Variants in TRIM44 observed in about 807,000 individuals in gnomAD.
TRIM44 encodes the protein tripartite motif containing 44, also known as tripartite motif-containing protein 44.
Under a neutral mutation model 37.4 loss-of-function variants are expected in TRIM44, and 13 were observed. The observed-to-expected ratio is 0.35, with a 90% CI of 0.23 to 0.55. The LOEUF is 0.55. TRIM44 is among the 20% of genes least tolerant of loss of function. The pLI is 0.89. For synonymous variants in TRIM44, 175 were observed against 157.2 expected (o/e 1.11, Z -0.85); for missense variants, 426 against 437.2 (o/e 0.97, Z 0.23).
rs974434762 is a variant in TRIM44 at position 35,770,678 on chromosome 11, C to T, written c.1007+35233C>T. Among the ~76,000 whole-genome samples the T allele has an allele frequency of 3.9e-5, 6 of 152,102 alleles. No homozygotes were observed. In the East Asian group the frequency reaches 5.8e-4, roughly 15 times the overall value. On this transcript the variant is annotated intron_variant, in intron 4 of 4. Coordinates refer to ENST00000299413, the MANE Select transcript of TRIM44 (RefSeq NM_017583.6). ...AACATTTTTCCATATGTTTGTTGGC[C>T]GCTTGGATGTTGATATGGTTTAGCT...
rs533603258 is a variant in TRIM44 at position 35,752,873 on chromosome 11, C to G, written c.1007+17428C>G. On this transcript the variant is annotated intron_variant, in intron 4 of 4. Transcript: ENST00000299413. The stretch of plus-strand genomic sequence containing the variant: ...ATATTCTTGACTGTGTTTTGGTTTT[C>G]TGCATAAACTTGCCACTGCATGAAA... 3.9e-5 allele frequency among the ~76,000 whole-genome samples: 6 copies of G among 152,252 alleles called. No individual in the cohort carries two copies. The South Asian group carries it at 1.0e-3, about 26-fold the overall frequency.
chr11:35,663,094 C>A lies in TRIM44; in HGVS notation c.-18C>A. On this transcript the variant is annotated 5_prime_UTR_variant, in exon 1 of 5. Coordinates refer to ENST00000299413, the MANE Select transcript of TRIM44 (RefSeq NM_017583.6). ...GAGCCCCGGGGCCCCGAGGCCTTGG[C>A]CGCGTCACAGCACCCACATGGCCTC... is the stretch of plus-strand genomic sequence containing the variant. 6.7e-7 allele frequency: 1 copy of A among 1,497,228 alleles called. No individual in the cohort carries two copies. The allele number at this position is 1,497,228 out of a possible 1,614,324, so 92.7% of individuals were successfully genotyped here.
Position 35,749,042 on chromosome 11 carries a change from TAGAG to T in TRIM44, c.1007+13611_1007+13614del, listed in dbSNP as rs144381088. Reference sequence around the variant, plus strand: ...TTCCTTGGTGTGTGTATGTGTATGTTAGAGAGAGAGAGAGAGACAGAAACAGATA... The same window carrying T: ...TTCCTTGGTGTGTGTATGTGTATGTTAGAGAGAGAGAGACAGAAACAGATA... On this transcript the variant is annotated intron_variant, in intron 4 of 4. Transcript: ENST00000299413. Among the ~76,000 whole-genome samples, 6 of 150,442 alleles carry T rather than the reference TAGAG, an allele frequency of 4.0e-5. No homozygotes were observed. The South Asian group carries it at 6.3e-4, about 16-fold the overall frequency.
chr11:35,770,036 A>G (rs538106305), intron 4 of TRIM44, among the ~76,000 whole-genome samples: 1 of 152,220 alleles, frequency 6.6e-6, no homozygotes, highest in East Asian at 1.9e-4. Context: ...AGTACCTAAT[A>G]GTTTTTCAAC....
At chr11:35,740,094 T>G (rs2135523644) in intron 4 of TRIM44, among the ~76,000 whole-genome samples, 1 of 118,592 alleles carries the variant, frequency 8.4e-6, no homozygotes, top group Non-Finnish European at 1.7e-5. Context: ...CAAGACTCTG[T>G]CTAAAAAAAA....
chr11:35,666,111 C>T lies in TRIM44; in HGVS notation c.669+2331C>T, dbSNP rs188045548. ...GTAGGGGCGCAATTTCATTTTTTCT[C>T]CATACAGATGGCCAATTGCTATTGC... On this transcript the variant is annotated intron_variant, in intron 1 of 4. Transcript: ENST00000299413. 4.6e-4 allele frequency among the ~76,000 whole-genome samples: 70 copies of T among 152,272 alleles called. 1 individual carries two copies. The highest frequency in any genetic ancestry group is 2.3e-3 in the Admixed American group (35 of 15,296).
intron 4 of TRIM44, among the ~76,000 whole-genome samples, chr11:35,799,982 G>A (rs913406664): frequency 5.9e-5 from 9 of 152,224 alleles, no homozygotes; most frequent in Non-Finnish European, 1.2e-4. Context: ...TCATGGCAGA[G>A]CTTACTCTTG....
chr11:35,781,663 A>G (rs1260366792), intron 4 of TRIM44, among the ~76,000 whole-genome samples: 1 of 152,262 alleles, frequency 6.6e-6, no homozygotes, highest in Non-Finnish European at 1.5e-5. Context: ...TTTGGTTATC[A>G]TGAAGAGTAA....
intron 4 of TRIM44, among the ~76,000 whole-genome samples, chr11:35,765,443 C>T (rs1852784752): frequency 6.6e-6 from 1 of 152,182 alleles, no homozygotes; most frequent in African/African-American, 2.4e-5. Context: ...CAGATGTTGA[C>T]TCATTCCGAC....
At chr11:35,732,704 C>T (rs183897996) in intron 3 of TRIM44, among the ~76,000 whole-genome samples, 4 of 152,160 alleles carry the variant, frequency 2.6e-5, no homozygotes, top group African/African-American at 9.6e-5. Flanking sequence ...GAAGAAGTTT[C>T]GAGTAAGGCT....
In TRIM44 at chr11:35,811,795, C is replaced by T. The variant is rs1442838755; in HGVS notation, c.*5410C>T. On this transcript the variant is annotated 3_prime_UTR_variant, in exon 5 of 5. Coordinates refer to ENST00000299413, the MANE Select transcript of TRIM44 (RefSeq NM_017583.6). ...CTAAATTTTCTTTTAACACATTTAT[C>T]TTCATCAGACCCTTTTAGTTAGCTA... is the stretch of plus-strand genomic sequence containing the variant. 6.6e-6 allele frequency: 1 copy of T among 152,194 alleles called. No homozygotes were observed. Among genetic ancestry groups the T allele is most frequent in the Non-Finnish European group, 1.5e-5 (1 of 68,030 alleles). 9.4% of individuals were successfully genotyped at this position (152,194 alleles called of 1,614,324 possible).
intron 2 of TRIM44, among the ~76,000 whole-genome samples, chr11:35,695,370 C>T (rs1229559565): frequency 6.6e-6 from 1 of 152,064 alleles, no homozygotes; most frequent in Non-Finnish European, 1.5e-5. Context: ...CCTTAGAGTT[C>T]ATTCATATTG....
chr11:35,772,359 GA>G (rs1159929897), intron 4 of TRIM44, among the ~76,000 whole-genome samples: 1 of 152,196 alleles, frequency 6.6e-6, no homozygotes, highest in Non-Finnish European at 1.5e-5. Context: ...GCTGTGAGAA[GA>G]GGGCCACCAT....
In TRIM44 at chr11:35,674,564, T is replaced by G. The variant is rs972485379; in HGVS notation, c.670-10695T>G. ...TGGGTTTAGTTAGTTTTTGGTAAGG[T>G]AATAATTGGTTTTTAACATCAATAA... On this transcript the variant is annotated intron_variant, in intron 1 of 4. Transcript: ENST00000299413. Among the ~76,000 whole-genome samples the G allele has an allele frequency of 2.6e-5, 4 of 152,322 alleles. No individual in the cohort carries two copies. In the East Asian group the frequency reaches 7.7e-4, roughly 29 times the overall value.
intron 4 of TRIM44, among the ~76,000 whole-genome samples, chr11:35,781,637 CT>C (rs909082124): frequency 1.3e-5 from 2 of 152,162 alleles, no homozygotes; most frequent in African/African-American, 2.4e-5. Context: ...CCAAATGGGA[CT>C]TTTCCCAAGA....
rs1237158920 is a variant in TRIM44, at chr11:35,811,533, CAT to C, written c.*5150_*5151del. On this transcript the variant is annotated 3_prime_UTR_variant, in exon 5 of 5. Transcript: ENST00000299413. ...CATATTTGCATGTAATTGATGAAAACATAGAATGAGTTGTAAATGAAGCAATT... is the reference window on the plus strand; with the variant it reads ...CATATTTGCATGTAATTGATGAAAACAGAATGAGTTGTAAATGAAGCAATT... The C allele has an allele frequency of 6.6e-6, 1 of 152,030 alleles. No homozygotes were observed. Among genetic ancestry groups the C allele is most frequent in the Admixed American group, 6.5e-5 (1 of 15,268 alleles). The allele number at this position is 152,030 out of a possible 1,614,324, so 9.4% of individuals were successfully genotyped here. A position where few individuals can be genotyped will look rare whatever the true frequency, so the allele number is the denominator to read the frequency against.
chr11:35,805,803 G>A (rs1235090913), intron 4 of TRIM44, among the ~76,000 whole-genome samples: 2 of 152,182 alleles, frequency 1.3e-5, no homozygotes, highest in Non-Finnish European at 2.9e-5. Flanking sequence ...ACATAAGATA[G>A]AGAATCACCA....
chr11:35,737,279 G>A (rs1192531270), intron 4 of TRIM44, among the ~76,000 whole-genome samples: 4 of 152,126 alleles, frequency 2.6e-5, no homozygotes, highest in East Asian at 3.9e-4. Flanking sequence ...TATACTGAAG[G>A]CAATGGGAAG....
rs1428962968 is a variant in TRIM44, at chr11:35,817,429, C to G, written c.*11044C>G. The G allele has an allele frequency of 1.3e-5, 2 of 152,172 alleles. No homozygotes were observed. The highest frequency in any genetic ancestry group is 4.8e-5 in the African/African-American group (2 of 41,432). The allele number at this position is 152,172 out of a possible 1,614,324, so 9.4% of individuals were successfully genotyped here. ...AGACATTGGAGGATCTCTCTTTTCT[C>G]TTCCACCTCTAACACGGTAAGATCT... On this transcript the variant is annotated 3_prime_UTR_variant, in exon 5 of 5. Transcript: ENST00000299413.
Sources: gnomAD v4.1 joint callset for allele counts (sites outside exome capture counted in the v4.1 genomes callset) on GRCh38, gnomAD v4.1.1 for gene constraint, MANE v1.5 for transcripts, NCBI Gene and HGNC (gene_info 2026-07-23, HGNC 2026-07-21) for gene names.